PRIM2: variants seen among roughly 807,000 people sequenced by gnomAD.
The protein encoded by PRIM2 is DNA primase large subunit.
A neutral mutation model predicts 67.3 loss-of-function variants in PRIM2; 39 were observed. The ratio of observed to expected loss-of-function variants is 0.58; its 90% CI spans 0.45 to 0.76. The LOEUF (loss-of-function observed/expected upper bound fraction) is 0.76. PRIM2 is among the 30% of genes least tolerant of loss of function. The pLI is 0.00. For missense variants in PRIM2, 398 were observed against 598.7 expected (o/e 0.66, Z 3.50); for synonymous variants, 143 against 198.7 (o/e 0.72, Z 2.36).
chr6:57,615,154 C>T lies in PRIM2; in HGVS notation c.1230+8697C>T, dbSNP rs1432948311. Reference sequence around the variant, plus strand: ...AATTTTAGAGCTGGGTGCGGTGGCTCATGCCTGAATCCCAGCACTTTGGGA... The same window carrying T: ...AATTTTAGAGCTGGGTGCGGTGGCTTATGCCTGAATCCCAGCACTTTGGGA... On this transcript the variant is annotated intron_variant, in intron 12 of 13. Transcript: ENST00000615550. 5.9e-5 allele frequency among the ~76,000 whole-genome samples: 9 copies of T among 152,174 alleles called. No individual in the cohort carries two copies. In the South Asian group the frequency reaches 1.0e-3, roughly 18 times the overall value.
the PRIM2 span, among the ~76,000 whole-genome samples, chr6:57,296,583 G>A: frequency 2.6e-5 from 4 of 151,944 alleles, no homozygotes; most frequent in Admixed American, 6.6e-5. Context: ...TGGTGGTAGC[G>A]GGGTTTGGTG....
rs1776564048 is a variant in PRIM2, at chr6:57,606,424, G to C, written c.1197G>C (p.Gln399His). Reference sequence around the variant, plus strand: ...CAGAGCTGCTGAAGCAAAAGTTGCAGTCATACAAGATCTCTCCTGGAGGGA... The same window carrying C: ...CAGAGCTGCTGAAGCAAAAGTTGCACTCATACAAGATCTCTCCTGGAGGGA... ...SDPELLKQKL[Q>H]SYKISPGGIS... Residue 399 changes from glutamine (Q) to histidine (H), a missense_variant, in exon 12 of 14, where the codon CAG becomes CAC. Gln to His is a conservative substitution (Grantham distance 24). Around this residue, in one of 4 missense-constraint regions of PRIM2, gnomAD observed 229 missense variants for 383.6 expected, o/e 0.60. Coordinates refer to ENST00000615550, the MANE Select transcript of PRIM2 (RefSeq NM_000947.5). The C allele has an allele frequency of 6.3e-7, 1 of 1,597,592 alleles. No individual in the cohort carries two copies. Among genetic ancestry groups the C allele is most frequent in the Non-Finnish European group, 8.5e-7 (1 of 1,170,666 alleles).
At chr6:57,247,902 A>G in the PRIM2 span, among the ~76,000 whole-genome samples, 1 of 152,220 alleles carries the variant, frequency 6.6e-6, no homozygotes, top group South Asian at 2.1e-4. Flanking sequence ...TCTGAAATCC[A>G]GAAAGAATAA....
At chr6:57,402,436 G>C (rs2397278) in intron 7 of PRIM2, among the ~76,000 whole-genome samples, 6 of 152,182 alleles carry the variant, frequency 3.9e-5, no homozygotes, top group Non-Finnish European at 7.4e-5. Flanking sequence ...GGGGAGCTAA[G>C]ATGTCCATAA....
intron 7 of PRIM2, among the ~76,000 whole-genome samples, chr6:57,405,128 A>T (rs1336645064): frequency 6.6e-6 from 1 of 152,128 alleles, no homozygotes; most frequent in Admixed American, 6.6e-5. Flanking sequence ...AGTTGCTAGG[A>T]AACAGCTGAA....
chr6:57,228,093 T>A, the PRIM2 span, among the ~76,000 whole-genome samples: 3 of 152,304 alleles, frequency 2.0e-5, no homozygotes, highest in South Asian at 4.1e-4. Context: ...CATCTCCTGG[T>A]TTTTGGTTTT....
chr6:57,254,330 C>A, the PRIM2 span, among the ~76,000 whole-genome samples: 4 of 152,216 alleles, frequency 2.6e-5, no homozygotes, highest in Admixed American at 6.5e-5. Context: ...ATTATGGCAA[C>A]AAGTCCACTG....
At chr6:57,625,426 T>C (rs1329955835) in intron 12 of PRIM2, among the ~76,000 whole-genome samples, 6 of 152,168 alleles carry the variant, frequency 3.9e-5, no homozygotes, top group Non-Finnish European at 8.8e-5. Context: ...CGATCATCAC[T>C]AGGATTTTGT....
chr6:57,554,932 C>T (rs1581987350), intron 10 of PRIM2, among the ~76,000 whole-genome samples: 1 of 152,110 alleles, frequency 6.6e-6, no homozygotes, highest in Non-Finnish European at 1.5e-5. Flanking sequence ...ATAGGCTTGT[C>T]CTTAGAGAAA....
chr6:57,603,379 T>G (rs1355286291), intron 11 of PRIM2, among the ~76,000 whole-genome samples: 5 of 152,350 alleles, frequency 3.3e-5, no homozygotes, highest in Non-Finnish European at 7.4e-5. Flanking sequence ...ATTTCTTTTT[T>G]GTTCTTAGAA....
At chr6:57,490,506 TG>T (rs1773863992) in intron 7 of PRIM2, among the ~76,000 whole-genome samples, 1 of 152,130 alleles carries the variant, frequency 6.6e-6, no homozygotes, top group Non-Finnish European at 1.5e-5. Context: ...ATAGACTTCA[TG>T]AAGCAGAATT....
the PRIM2 span, among the ~76,000 whole-genome samples, chr6:57,285,168 G>A: frequency 4.6e-5 from 7 of 152,118 alleles, no homozygotes; most frequent in East Asian, 1.9e-4. Context: ...AGGACTGGAC[G>A]GATTCACAGC....
At chr6:57,300,458 C>CGT in the PRIM2 span, among the ~76,000 whole-genome samples, 1 of 151,748 alleles carries the variant, frequency 6.6e-6, no homozygotes, top group Non-Finnish European at 1.5e-5. Flanking sequence ...TGTGTATGTG[C>CGT]GTGTGTGTGT....
At chr6:57,380,363 T>C (rs79693884) in intron 6 of PRIM2, among the ~76,000 whole-genome samples, 40 of 152,020 alleles carry the variant, frequency 2.6e-4, no homozygotes, top group South Asian at 1.0e-3. Flanking sequence ...GGAAGCCCCC[T>C]TTCGCTTCTC....
chr6:57,627,068 G>A (rs1776960623), intron 12 of PRIM2, among the ~76,000 whole-genome samples: 1 of 151,198 alleles, frequency 6.6e-6, no homozygotes, highest in Non-Finnish European at 1.5e-5. Flanking sequence ...GTTGCTTGAG[G>A]CCAGGAGTTT....
At chr6:57,544,715 C>T (rs1775250181) in intron 10 of PRIM2, among the ~76,000 whole-genome samples, 1 of 152,100 alleles carries the variant, frequency 6.6e-6, no homozygotes, top group Non-Finnish European at 1.5e-5. Flanking sequence ...CATTTATTAT[C>T]TGTATCCTAC....
chr6:57,355,841 C>T (rs552033249), intron 5 of PRIM2, among the ~76,000 whole-genome samples: 1 of 152,032 alleles, frequency 6.6e-6, no homozygotes, highest in East Asian at 1.9e-4. Context: ...TGGGTTTTGC[C>T]ATGTTGCCTG....
chr6:57,300,258 C>T, the PRIM2 span, among the ~76,000 whole-genome samples: 1 of 152,246 alleles, frequency 6.6e-6, no homozygotes, highest in Non-Finnish European at 1.5e-5. Context: ...TATACTCCCT[C>T]TGTCCTCACA....
the PRIM2 span, among the ~76,000 whole-genome samples, chr6:57,309,144 T>C: frequency 6.6e-6 from 1 of 151,980 alleles, no homozygotes; most frequent in Non-Finnish European, 1.5e-5. Context: ...TGACTCTTTT[T>C]TTTTTTTTAT....
Sources: allele counts gnomAD v4.1 joint callset (sites outside exome capture counted in the v4.1 genomes callset), GRCh38; gene constraint gnomAD v4.1.1; regional missense constraint gnomAD v4.1.1; transcripts MANE v1.5; gene names NCBI Gene and HGNC (gene_info 2026-07-23, HGNC 2026-07-21).